The following GM2A variants were observed in gnomAD, a reference collection of about 807,000 sequenced individuals.
GM2A encodes the protein GM2 ganglioside activator.
GM2A carries 7 observed loss-of-function variants against 12.9 expected under a neutral mutation model. The ratio of observed to expected loss-of-function variants is 0.54; its 90% CI spans 0.31 to 1.02. The LOEUF (loss-of-function observed/expected upper bound fraction) is 1.02. Ranked by LOEUF, GM2A falls within the 50% of genes least tolerant of loss-of-function variation. The pLI, the probability that GM2A is intolerant of heterozygous loss-of-function variation, is 0.05. For synonymous variants in GM2A, 101 were observed against 96.0 expected (o/e 1.05, Z -0.30); for missense variants, 246 against 241.0 (o/e 1.02, Z -0.14).
At chr5:151,261,112 C>T in intron 2 of GM2A, among the ~76,000 whole-genome samples, 1 of 152,094 alleles carries the variant, frequency 6.6e-6, no homozygotes, top group African/African-American at 2.4e-5. Flanking sequence ...GCAGCCTTGA[C>T]CTCCTGGGCT....
chr5:151,269,115 C>G lies in GM2A; in HGVS notation c.*1664C>G. ...GGGTCCAAGGAAGAGAGGGTGGCCT[C>G]GACATCAAACTGCCTGGATTTTTCT... On this transcript the variant is annotated 3_prime_UTR_variant, in exon 4 of 4. Coordinates refer to ENST00000357164, the MANE Select transcript of GM2A (RefSeq NM_000405.5). 3 of 985,440 alleles carry G rather than the reference C, an allele frequency of 3.0e-6. No homozygotes were observed. Among genetic ancestry groups the G allele is most frequent in the Non-Finnish European group, 3.6e-6 (3 of 829,954 alleles). 61.0% of individuals were successfully genotyped at this position (985,440 alleles called of 1,614,324 possible).
At chr5:151,257,158 C>T (rs1753705240) in intron 1 of GM2A, among the ~76,000 whole-genome samples, 1 of 152,136 alleles carries the variant, frequency 6.6e-6, no homozygotes, top group Non-Finnish European at 1.5e-5. Context: ...CTTGTACCAC[C>T]CCTTCCCACT....
At chr5:151,261,942 T>A (rs1021938780) in intron 2 of GM2A, among the ~76,000 whole-genome samples, 1 of 152,224 alleles carries the variant, frequency 6.6e-6, no homozygotes, top group African/African-American at 2.4e-5. Flanking sequence ...ATTATTCTTA[T>A]AGTACATCTT....
rs556257549 is a variant in GM2A at position 151,265,657 on chromosome 5, G to A, written c.244-1074G>A. Among the ~76,000 whole-genome samples the A allele has an allele frequency of 1.9e-4, 29 of 152,294 alleles. 1 individual carries two copies. The East Asian group carries it at 3.9e-3, about 20-fold the overall frequency. On this transcript the variant is annotated intron_variant, in intron 2 of 3. Transcript: ENST00000357164. ...CTAACACATGGTGACTGTTCAGCGCGTGCCCGGCACAACTGGGATGTCCAC... is the reference window on the plus strand; with the variant it reads ...CTAACACATGGTGACTGTTCAGCGCATGCCCGGCACAACTGGGATGTCCAC...
intron 1 of GM2A, among the ~76,000 whole-genome samples, chr5:151,258,543 G>A (rs972074859): frequency 3.9e-5 from 6 of 152,164 alleles, no homozygotes; most frequent in African/African-American, 1.4e-4. Flanking sequence ...AGGGAAGTGG[G>A]ACTTGATCTG....
intron 1 of GM2A, among the ~76,000 whole-genome samples, chr5:151,257,392 G>C (rs1582069081): frequency 1.3e-5 from 2 of 152,050 alleles, no homozygotes; most frequent in African/African-American, 4.8e-5. Flanking sequence ...TTCTTCTCCG[G>C]TAGGTACTCT....
At chr5:151,254,650 A>G (rs1424855132) in intron 1 of GM2A, among the ~76,000 whole-genome samples, 1 of 152,254 alleles carries the variant, frequency 6.6e-6, no homozygotes, top group African/African-American at 2.4e-5. Context: ...TAATACAGCT[A>G]ACCTGAGAAT....
rs113271740 is a variant in GM2A, at chr5:151,259,799, G to A, written c.126G>A (p.Gly42=). The A allele has an allele frequency of 5.4e-4, 878 of 1,613,936 alleles. 4 individuals are homozygous for A. In the East Asian group the frequency reaches 0.011, roughly 20 times the overall value. The change falls in exon 2 of 4, where the codon GGG becomes GGA. Residue 42 remains glycine, a synonymous_variant. Coordinates refer to ENST00000357164, the MANE Select transcript of GM2A (RefSeq NM_000405.5). ...TTTCCTGGGATAACTGTGATGAAGG[G>A]AAGGACCCTGCGGTGATCAGAAGCC... ...SSFSWDNCDE[G]KDPAVIRSLT...
rs1201672003 is a variant in GM2A, at chr5:151,268,528, T to C, written c.*1077T>C. 2 of 985,270 alleles carry C rather than the reference T, an allele frequency of 2.0e-6. No homozygotes were observed. Among genetic ancestry groups the C allele is most frequent in the African/African-American group, 3.5e-5 (2 of 57,240 alleles). The allele number at this position is 985,270 out of a possible 1,614,324, so 61.0% of individuals were successfully genotyped here. ...CAGAAAGTCACAGCACATGTGCCCA[T>C]TGATACAAGGCTGCTGAGGCCTGGT... On this transcript the variant is annotated 3_prime_UTR_variant, in exon 4 of 4. Coordinates refer to ENST00000357164, the MANE Select transcript of GM2A (RefSeq NM_000405.5).
At position 151,268,432 on chromosome 5, in the gene GM2A, A is replaced by G; in HGVS notation, c.*981A>G. The G allele has an allele frequency of 1.0e-6, 1 of 979,950 alleles. No individual in the cohort carries two copies. The highest frequency in any genetic ancestry group is 1.2e-6 in the Non-Finnish European group (1 of 824,960). 60.7% of individuals were successfully genotyped at this position (979,950 alleles called of 1,614,324 possible). ...CCTTGCAAAGCGCTGGATTACAGGC[A>G]TGAGCCACTACACCCAGCCGATTTT... On this transcript the variant is annotated 3_prime_UTR_variant, in exon 4 of 4. Coordinates refer to ENST00000357164, the MANE Select transcript of GM2A (RefSeq NM_000405.5).
chr5:151,257,309 T>A lies in GM2A; in HGVS notation c.82-2446T>A, dbSNP rs979200245. 2.6e-5 allele frequency among the ~76,000 whole-genome samples: 4 copies of A among 152,152 alleles called. No individual in the cohort carries two copies. In the East Asian group the frequency reaches 7.7e-4, roughly 29 times the overall value. On this transcript the variant is annotated intron_variant, in intron 1 of 3. Transcript: ENST00000357164. The stretch of plus-strand genomic sequence containing the variant: ...ACTACAGAGACAGCTAGCCGGGCAT[T>A]ACCCTCAGGAAGCCATCTTGTTACG...
intron 2 of GM2A, among the ~76,000 whole-genome samples, chr5:151,262,633 TTCC>T (rs1753817397): frequency 6.6e-6 from 1 of 152,208 alleles, no homozygotes; most frequent in Admixed American, 6.5e-5. Context: ...TCCATTACTG[TTCC>T]TCAAGTGATA....
At chr5:151,260,979 C>T (rs1280543411) in intron 2 of GM2A, among the ~76,000 whole-genome samples, 2 of 127,988 alleles carry the variant, frequency 1.6e-5, no homozygotes, top group Non-Finnish European at 3.4e-5. Flanking sequence ...GATTAGGTGG[C>T]TCTACTTATT....
chr5:151,270,075 C>T lies in GM2A; in HGVS notation c.*2624C>T, dbSNP rs886060278. On this transcript the variant is annotated 3_prime_UTR_variant, in exon 4 of 4. Transcript: ENST00000357164. ...AGTTAATCTTTTTATGTCTGCTCTG[C>T]TCTTGGGTCATATGTTCCGTGAGGT... The T allele has an allele frequency of 1.6e-6, 2 of 1,230,806 alleles. No individual in the cohort carries two copies. The highest frequency in any genetic ancestry group is 8.4e-5 in the Admixed American group (2 of 23,718). The allele number at this position is 1,230,806 out of a possible 1,614,324, so 76.2% of individuals were successfully genotyped here. A position where few individuals can be genotyped will look rare whatever the true frequency, so the allele number is the denominator to read the frequency against.
rs1753903527 is a variant in GM2A, at chr5:151,267,193, G to A, written c.427-103G>A. 3.5e-6 allele frequency: 5 copies of A among 1,445,856 alleles called. No homozygotes were observed. The South Asian group carries it at 3.5e-5, about 10-fold the overall frequency. The allele number at this position is 1,445,856 out of a possible 1,614,324, so 89.6% of individuals were successfully genotyped here. ...TCTTGTGCGGCTGTTTTGAGAATGG[G>A]AAGAGGGGTGGTAGTTCATGGCTGC... On this transcript the variant is annotated intron_variant, in intron 3 of 3. Transcript: ENST00000357164.
intron 3 of GM2A, 174 bp downstream of exon 3, chr5:151,267,087 G>A: frequency 1.1e-5 from 9 of 835,674 alleles, no homozygotes; most frequent in Non-Finnish European, 1.8e-5. Flanking sequence ...TCTACGAAAT[G>A]GGAGACTTGA....
intron 1 of GM2A, among the ~76,000 whole-genome samples, chr5:151,259,196 A>G (rs1361425472): frequency 6.6e-6 from 1 of 152,194 alleles, no homozygotes; most frequent in African/African-American, 2.4e-5. Context: ...GGATCTTTTC[A>G]TGAGTGTCCT....
chr5:151,264,488 C>T (rs187898818), intron 2 of GM2A, among the ~76,000 whole-genome samples: 4 of 152,300 alleles, frequency 2.6e-5, no homozygotes, highest in Admixed American at 1.3e-4. Flanking sequence ...ACTGTGTGTT[C>T]TCACTCAGGG....
chr5:151,266,807 C>A lies in GM2A; in HGVS notation c.320C>A (p.Thr107Asn). 3 of 1,613,618 alleles carry A rather than the reference C, an allele frequency of 1.9e-6. No homozygotes were observed. Among genetic ancestry groups the A allele is most frequent in the Non-Finnish European group, 2.5e-6 (3 of 1,179,538 alleles). Reference protein sequence around the residue: ...IPCTDYIGSCTFEHFCDVLDM... With the variant: ...IPCTDYIGSCNFEHFCDVLDM... ...TGCACAGACTACATTGGCAGCTGTACCTTTGAACACTTCTGTGATGTGCTT... is the reference window on the plus strand; with the variant it reads ...TGCACAGACTACATTGGCAGCTGTAACTTTGAACACTTCTGTGATGTGCTT... Residue 107 changes from threonine (T) to asparagine (N), a missense_variant, in exon 3 of 4, where the codon ACC (threonine) becomes AAC (asparagine). By Grantham distance (65) the Thr-to-Asn change is moderately conservative. Transcript: ENST00000357164.
Sources: allele counts gnomAD v4.1 joint callset (sites outside exome capture counted in the v4.1 genomes callset), GRCh38; gene constraint gnomAD v4.1.1; transcripts MANE v1.5; gene names NCBI Gene and HGNC (gene_info 2026-07-23, HGNC 2026-07-21).